The following TTC39B variants were observed in gnomAD, a reference collection of about 807,000 sequenced individuals.
The protein encoded by TTC39B is tetratricopeptide repeat domain 39B.
A neutral mutation model predicts 96.6 loss-of-function variants in TTC39B; 92 were observed. That is an observed-to-expected ratio of 0.95 (90% CI 0.80 to 1.13). The LOEUF (loss-of-function observed/expected upper bound fraction) is 1.13, where lower values mean the gene tolerates loss of function less well. Ranked by LOEUF, TTC39B falls within the 50% of genes most tolerant of loss-of-function variation. The pLI, the probability that TTC39B is intolerant of heterozygous loss-of-function variation, is 0.00. For missense variants in TTC39B, 955 were observed against 809.3 expected, an observed-to-expected ratio of 1.18 and a Z score of -2.18; for synonymous variants, 367 against 299.4, an observed-to-expected ratio of 1.23 and a Z score of -2.33.
rs1037597609 is a variant in TTC39B at position 15,261,130 on chromosome 9, C to T, written c.275+6784G>A. Reference sequence around the variant, plus strand: ...TTAATCAGTGCCCAACCAGGACTCCCGGTTAGATTTTTGTCCCATTGCCCA... The same window carrying T: ...TTAATCAGTGCCCAACCAGGACTCCTGGTTAGATTTTTGTCCCATTGCCCA... On this transcript the variant is annotated intron_variant, in intron 2 of 19. Transcript: ENST00000512701. Among the ~76,000 whole-genome samples the T allele has an allele frequency of 4.6e-5, 7 of 152,118 alleles. No individual in the cohort carries two copies. The South Asian group carries it at 1.0e-3, about 23-fold the overall frequency.
chr9:15,239,238 T>A (rs1181968759), intron 2 of TTC39B, among the ~76,000 whole-genome samples: 1 of 152,110 alleles, frequency 6.6e-6, no homozygotes, highest in Admixed American at 6.5e-5. Flanking sequence ...CCAGTCAGAA[T>A]GGCTATTATT....
chr9:15,290,888 T>C (rs570571281), intron 1 of TTC39B, among the ~76,000 whole-genome samples: 1 of 152,346 alleles, frequency 6.6e-6, no homozygotes, highest in East Asian at 1.9e-4. Context: ...CCCAGGCGTA[T>C]CCTCTATCTT....
At chr9:15,200,869 G>A (rs1197273554) in intron 7 of TTC39B, among the ~76,000 whole-genome samples, 2 of 152,242 alleles carry the variant, frequency 1.3e-5, no homozygotes, top group East Asian at 3.9e-4. Flanking sequence ...CATGGTGGCG[G>A]GTGCCTGTAG....
intron 15 of TTC39B, 147 bp from the exon 16 acceptor site, chr9:15,185,553 C>T: frequency 7.7e-7 from 1 of 1,301,946 alleles, no homozygotes; most frequent in South Asian, 1.4e-5. Context: ...AATTTTCAGG[C>T]CCTACTCTAG....
At chr9:15,227,836 T>C (rs1821209103) in intron 2 of TTC39B, among the ~76,000 whole-genome samples, 1 of 152,292 alleles carries the variant, frequency 6.6e-6, no homozygotes, top group Non-Finnish European at 1.5e-5. Flanking sequence ...GTCTCCCCAA[T>C]ATTGAAATTT....
intron 1 of TTC39B, among the ~76,000 whole-genome samples, chr9:15,276,780 G>A (rs1290283648): frequency 6.6e-6 from 1 of 152,182 alleles, no homozygotes; most frequent in East Asian, 1.9e-4. Context: ...ACTTCCTGTT[G>A]TGTACAATAA....
intron 10 of TTC39B, among the ~76,000 whole-genome samples, chr9:15,190,956 A>G (rs2118792687): frequency 6.6e-6 from 1 of 152,314 alleles, no homozygotes; most frequent in East Asian, 1.9e-4. Flanking sequence ...TTAGCAACAC[A>G]TAATTTTTCA....
intron 1 of TTC39B, among the ~76,000 whole-genome samples, chr9:15,283,965 G>C (rs1335714623): frequency 6.6e-6 from 1 of 152,086 alleles, no homozygotes; most frequent in Non-Finnish European, 1.5e-5. Flanking sequence ...AAAGAAAAGA[G>C]TAAAAGATTT....
At chr9:15,305,707 C>G (rs1824732735) in intron 1 of TTC39B, among the ~76,000 whole-genome samples, 1 of 150,312 alleles carries the variant, frequency 6.7e-6, no homozygotes, top group Admixed American at 6.7e-5. Context: ...AACCGTTCAT[C>G]TAGTAGGCAG....
rs187876939 is a variant in TTC39B at position 15,283,931 on chromosome 9, C to A, written c.241-15983G>T. ...TTAAAACAGGGACAGTCTTTCTAAGCAAAACACAAAGACCAGAAGCCTTAA... is the reference window on the plus strand; with the variant it reads ...TTAAAACAGGGACAGTCTTTCTAAGAAAAACACAAAGACCAGAAGCCTTAA... On this transcript the variant is annotated intron_variant, in intron 1 of 19. Coordinates refer to ENST00000512701, the Ensembl canonical transcript of TTC39B. Among the ~76,000 whole-genome samples, 10 of 152,040 alleles carry A rather than the reference C, an allele frequency of 6.6e-5. No individual in the cohort carries two copies. In the East Asian group the frequency reaches 1.5e-3, roughly 23 times the overall value.
At chr9:15,293,011 T>A (rs1824243406) in intron 1 of TTC39B, among the ~76,000 whole-genome samples, 1 of 152,246 alleles carries the variant, frequency 6.6e-6, no homozygotes, top group African/African-American at 2.4e-5. Context: ...CACTCACCAC[T>A]CACTCACTGA....
At chr9:15,285,459 T>C (rs1376712332) in intron 1 of TTC39B, among the ~76,000 whole-genome samples, 1 of 152,224 alleles carries the variant, frequency 6.6e-6, no homozygotes, top group East Asian at 1.9e-4. Context: ...ATTACCCTGA[T>C]GTGATTACTA....
intron 2 of TTC39B, among the ~76,000 whole-genome samples, chr9:15,244,660 C>G (rs1482515284): frequency 1.3e-5 from 2 of 152,134 alleles, no homozygotes; most frequent in Non-Finnish European, 2.9e-5. Flanking sequence ...TTAGACAGAC[C>G]ATTATATTCC....
intron 2 of TTC39B, among the ~76,000 whole-genome samples, chr9:15,264,934 A>C (rs879778247): frequency 1.3e-5 from 2 of 152,118 alleles, no homozygotes; most frequent in African/African-American, 2.4e-5. Flanking sequence ...CGGTTGAACA[A>C]AAGAGTTGTT....
chr9:15,185,148 T>C (rs1588856977), intron 16 of TTC39B, 132 bp downstream of exon 16: 4 of 1,148,422 alleles, frequency 3.5e-6, no homozygotes, highest in Middle Eastern at 3.1e-4. Context: ...TATTTAGAAA[T>C]GTTCAACTTA....
intron 17 of TTC39B, among the ~76,000 whole-genome samples, chr9:15,179,153 G>C (rs1463800529): frequency 6.6e-6 from 1 of 152,176 alleles, no homozygotes; most frequent in Non-Finnish European, 1.5e-5. Context: ...ACATCTATCT[G>C]ACAAAGGTAG....
intron 2 of TTC39B, among the ~76,000 whole-genome samples, chr9:15,258,905 T>C (rs566579817): frequency 4.6e-5 from 7 of 152,304 alleles, no homozygotes; most frequent in East Asian, 3.9e-4. Flanking sequence ...GCAGCATTTA[T>C]AGGATCTATA....
chr9:15,192,376 G>A (rs1457358113), intron 9 of TTC39B, among the ~76,000 whole-genome samples: 2 of 152,088 alleles, frequency 1.3e-5, no homozygotes, highest in African/African-American at 2.4e-5. Context: ...AGTACCACAC[G>A]CTTCCCTTAC....
At chr9:15,168,274 G>A (rs766185573) in exon 20 of TTC39B, 7 of 152,360 alleles carry the variant, frequency 4.6e-5, no homozygotes, top group Admixed American at 4.6e-4. Flanking sequence ...ACAGGCTCAT[G>A]AGGGCAAGGT....
Sources: gnomAD v4.1 joint callset for allele counts (sites outside exome capture counted in the v4.1 genomes callset) on GRCh38, gnomAD v4.1.1 for gene constraint, MANE v1.5 for transcripts, NCBI Gene and HGNC (gene_info 2026-07-23, HGNC 2026-07-21) for gene names.